Variants in TENM3 observed in about 807,000 individuals in gnomAD.
TENM3 encodes the protein teneurin-3.
Under a neutral mutation model 255.1 loss-of-function variants are expected in TENM3, and 63 were observed. That is an observed-to-expected ratio of 0.25 (90% CI 0.20 to 0.30). The LOEUF is 0.30. Among genes scored for constraint, TENM3 ranks in the 10% least tolerant of loss-of-function variants. TENM3 has a pLI of 1.00. For synonymous variants in TENM3, 1,306 were observed against 1,322.3 expected, an observed-to-expected ratio of 0.99 and a Z score of 0.27; for missense variants, 2,929 against 3,461.1, an observed-to-expected ratio of 0.85 and a Z score of 3.86.
At chr4:181,906,336 C>A in the TENM3 span, 1 of 197,194 alleles carries the variant, frequency 5.1e-6, no homozygotes, top group African/African-American at 2.3e-5. Context: ...ATTCCAAACT[C>A]TGTTCAAGTG....
chr4:181,616,576 G>C, the TENM3 span, among the ~76,000 whole-genome samples: 6 of 151,652 alleles, frequency 4.0e-5, no homozygotes, highest in Non-Finnish European at 8.8e-5. Context: ...TGGGGGAATT[G>C]GGTCATACAG....
chr4:181,448,087 C>A, the TENM3 span, among the ~76,000 whole-genome samples: 1 of 145,430 alleles, frequency 6.9e-6, no homozygotes, highest in Non-Finnish European at 1.5e-5. Flanking sequence ...CATCGTATTT[C>A]TTTTAACATC....
chr4:181,913,351 T>C, the TENM3 span, among the ~76,000 whole-genome samples: 7 of 152,138 alleles, frequency 4.6e-5, no homozygotes, highest in Admixed American at 3.9e-4. Flanking sequence ...CAAGTGAAAA[T>C]AGCACTCAGG....
the TENM3 span, among the ~76,000 whole-genome samples, chr4:181,479,518 G>A: frequency 7.3e-3 from 1,105 of 152,160 alleles, 14 homozygotes; most frequent in African/African-American, 0.024. Flanking sequence ...TATCTGTCCA[G>A]CCCTCCTGTC....
At chr4:182,461,765 A>C (rs1018101851) in intron 3 of TENM3, among the ~76,000 whole-genome samples, 15 of 152,226 alleles carry the variant, frequency 9.9e-5, no homozygotes, top group African/African-American at 3.6e-4. Context: ...CAGAGCCTAG[A>C]ACAGTGCCTG....
chr4:182,066,644 C>T, the TENM3 span, among the ~76,000 whole-genome samples: 1 of 150,608 alleles, frequency 6.6e-6, no homozygotes, highest in Non-Finnish European at 1.5e-5. Flanking sequence ...GGCGCGGTGG[C>T]TCATGCCTAT....
chr4:182,392,577 G>T (rs1768507778), intron 3 of TENM3, among the ~76,000 whole-genome samples: 1 of 152,226 alleles, frequency 6.6e-6, no homozygotes, highest in Admixed American at 6.5e-5. Flanking sequence ...GAGGAGAGAT[G>T]AGGCCTTGGA....
chr4:181,958,921 C>A, the TENM3 span, among the ~76,000 whole-genome samples: 9 of 152,046 alleles, frequency 5.9e-5, no homozygotes, highest in Admixed American at 1.3e-4. Context: ...TGTATATAAA[C>A]GTATTTCAAT....
the TENM3 span, among the ~76,000 whole-genome samples, chr4:182,052,316 G>T: frequency 6.6e-6 from 1 of 152,012 alleles, no homozygotes; most frequent in Admixed American, 6.5e-5. Flanking sequence ...AGAAGCAAGA[G>T]CATAGTGTCA....
At chr4:182,622,298 G>A (rs900685996) in intron 4 of TENM3, among the ~76,000 whole-genome samples, 6 of 150,590 alleles carry the variant, frequency 4.0e-5, no homozygotes, top group African/African-American at 1.5e-4. Context: ...AGTGAGCCGA[G>A]ATCACACCAC....
the TENM3 span, among the ~76,000 whole-genome samples, chr4:181,619,331 A>G: frequency 6.6e-5 from 10 of 152,232 alleles, no homozygotes; most frequent in East Asian, 1.4e-3. Context: ...ATCTATTTGT[A>G]TTTCTCACAT....
chr4:182,643,903 G>A (rs6838726), intron 5 of TENM3, among the ~76,000 whole-genome samples: 7,395 of 152,232 alleles, frequency 0.049, 273 homozygotes, highest in East Asian at 0.19. Context: ...GGCATTTTCA[G>A]CATGGTATTT....
chr4:182,539,503 G>A (rs969414584), intron 3 of TENM3, among the ~76,000 whole-genome samples: 1 of 152,092 alleles, frequency 6.6e-6, no homozygotes, highest in African/African-American at 2.4e-5. Context: ...TGTATGTTCA[G>A]GGAATATTTT....
the TENM3 span, among the ~76,000 whole-genome samples, chr4:181,678,585 G>A: frequency 6.6e-6 from 1 of 151,942 alleles, no homozygotes; most frequent in African/African-American, 2.4e-5. Flanking sequence ...AAAATAGATA[G>A]GCATAACTTA....
the TENM3 span, among the ~76,000 whole-genome samples, chr4:181,941,075 G>A: frequency 1.1e-4 from 17 of 152,304 alleles, no homozygotes; most frequent in Non-Finnish European, 1.6e-4. Context: ...AGAAGACTGC[G>A]AGAATGGGAA....
chr4:182,489,293 A>C (rs1050881679), intron 3 of TENM3, among the ~76,000 whole-genome samples: 1 of 152,154 alleles, frequency 6.6e-6, no homozygotes, highest in Non-Finnish European at 1.5e-5. Flanking sequence ...TTTCTTCTCT[A>C]ATTTTTTATG....
intron 1 of TENM3, among the ~76,000 whole-genome samples, chr4:182,205,612 C>T (rs758378336): frequency 6.6e-6 from 1 of 152,264 alleles, no homozygotes; most frequent in South Asian, 2.1e-4. Context: ...CCACATCTGG[C>T]GACCTAACTC....
the TENM3 span, among the ~76,000 whole-genome samples, chr4:181,654,340 T>C: frequency 1.3e-5 from 2 of 152,090 alleles, no homozygotes; most frequent in African/African-American, 2.4e-5. Context: ...CCACAGAGTT[T>C]TGAGACATTC....
At chr4:181,741,852 C>T in the TENM3 span, among the ~76,000 whole-genome samples, 23 of 152,162 alleles carry the variant, frequency 1.5e-4, no homozygotes. Flanking sequence ...TGCTACATTA[C>T]ATCACAACCG....
Sources: gnomAD v4.1 joint callset for allele counts (sites outside exome capture counted in the v4.1 genomes callset) on GRCh38, gnomAD v4.1.1 for gene constraint, MANE v1.5 for transcripts, NCBI Gene and HGNC (gene_info 2026-07-23, HGNC 2026-07-21) for gene names.